TRIO: variants seen among roughly 807,000 people sequenced by gnomAD.
TRIO encodes the protein triple functional domain protein.
In TRIO, 58 loss-of-function variants were observed where a neutral mutation model predicts 351.9. The observed-to-expected ratio is 0.16, with a 90% confidence interval of 0.13 to 0.21. The LOEUF (loss-of-function observed/expected upper bound fraction) is 0.21. Ranked by LOEUF, TRIO falls within the 10% of genes least tolerant of loss-of-function variation. TRIO has a pLI of 1.00. For missense variants in TRIO, 3,201 were observed against 4,027.8 expected, an observed-to-expected ratio of 0.79 and a Z score of 5.56; for synonymous variants, 1,758 against 1,595.7, an observed-to-expected ratio of 1.10 and a Z score of -2.42.
At chr5:14,480,116 G>T (rs756646792) in intron 43 of TRIO, 105 bp downstream of exon 43, 6 of 991,170 alleles carry the variant, frequency 6.1e-6, no homozygotes, top group Non-Finnish European at 9.2e-6. Context: ...AATCATCTGT[G>T]TAACAGGTAT....
intron 1 of TRIO, 32 bp downstream of exon 1, chr5:14,143,914 G>A: frequency 2.8e-6 from 3 of 1,060,248 alleles, no homozygotes; most frequent in Non-Finnish European, 3.4e-6. Context: ...CCGCCCAGCG[G>A]CGCTGCCCCA....
chr5:14,505,647 C>T (rs929199932), intron 55 of TRIO, among the ~76,000 whole-genome samples: 3 of 152,098 alleles, frequency 2.0e-5, no homozygotes, highest in African/African-American at 7.2e-5. Flanking sequence ...TAAATGCCTC[C>T]CCATACCCTT....
In TRIO at chr5:14,270,833, A is replaced by G. The variant is rs780218609; in HGVS notation, c.166A>G (p.Lys56Glu). 1.9e-6 allele frequency: 3 copies of G among 1,613,878 alleles called. No homozygotes were observed. The Admixed American group carries it at 5.0e-5, about 27-fold the overall frequency. The part of the protein sequence containing the change: ...IAAFFRSGFR[K>E]NDEMKAMDVL... ...CTCCTTCTGTATTTCAGGGTTTCGAAAAAACGATGAAATGAAAGCTATGGA... is the reference window on the plus strand; with the variant it reads ...CTCCTTCTGTATTTCAGGGTTTCGAGAAAACGATGAAATGAAAGCTATGGA... Residue 56 changes from lysine to glutamate, a missense_variant, in exon 2 of 57, where the codon AAA (lysine) becomes GAA (glutamate). Coordinates refer to ENST00000344204, the MANE Select transcript of TRIO (RefSeq NM_007118.4).
intron 27 of TRIO, among the ~76,000 whole-genome samples, chr5:14,391,656 A>C (rs1209009011): frequency 6.6e-6 from 1 of 152,366 alleles, no homozygotes; most frequent in East Asian, 1.9e-4. Flanking sequence ...ATGTGCCAAT[A>C]CATTTTGATT....
Position 14,280,440 on chromosome 5 carries a change from A to G in TRIO, c.347+4A>G. 6.2e-7 allele frequency: 1 copy of G among 1,612,370 alleles called. No homozygotes were observed. Among genetic ancestry groups the G allele is most frequent in the Non-Finnish European group, 8.5e-7 (1 of 1,178,408 alleles). ...CCTATCTAGCCTGTATTCCCAGGTA[A>G]GTTCTGTGTGGCTTGTGCTTGTCAC... On this transcript the variant is annotated splice_donor_region_variant and intron_variant, in intron 3 of 56. Transcript: ENST00000344204.
At chr5:14,466,839 C>T (rs776039848) in intron 37 of TRIO, among the ~76,000 whole-genome samples, 7 of 152,198 alleles carry the variant, frequency 4.6e-5, no homozygotes, top group Admixed American at 6.5e-5. Flanking sequence ...GATCTTCTCA[C>T]GTCAGTACAT....
chr5:14,244,043 A>T (rs1050399830), intron 1 of TRIO, among the ~76,000 whole-genome samples: 1 of 152,212 alleles, frequency 6.6e-6, no homozygotes, highest in Non-Finnish European at 1.5e-5. Flanking sequence ...AGGGGAGGCA[A>T]TTTAGCATTT....
intron 34 of TRIO, among the ~76,000 whole-genome samples, chr5:14,432,558 A>G (rs1751251716): frequency 6.6e-6 from 1 of 152,232 alleles, no homozygotes; most frequent in Admixed American, 6.5e-5. Context: ...ATTGTGATCT[A>G]ATAATTCCAA....
intron 2 of TRIO, among the ~76,000 whole-genome samples, chr5:14,278,889 G>C (rs921630814): frequency 6.6e-6 from 1 of 152,188 alleles, no homozygotes; most frequent in Non-Finnish European, 1.5e-5. Flanking sequence ...AAGAAGTAAA[G>C]CCAGTAGTTC....
At chr5:14,422,188 A>AC (rs58939681) in intron 34 of TRIO, among the ~76,000 whole-genome samples, 5,298 of 151,756 alleles carry the variant, frequency 0.035, 303 homozygotes, top group African/African-American at 0.12. Flanking sequence ...GCTGGGTAAG[A>AC]CCCCCTCCAG....
At chr5:14,356,615 C>T (rs904700937) in intron 11 of TRIO, among the ~76,000 whole-genome samples, 6 of 152,158 alleles carry the variant, frequency 3.9e-5, no homozygotes, top group African/African-American at 1.4e-4. Flanking sequence ...CCATTCTACA[C>T]CTAGGTATTT....
At chr5:14,360,056 C>G (rs1441753853) in intron 13 of TRIO, among the ~76,000 whole-genome samples, 3 of 152,124 alleles carry the variant, frequency 2.0e-5, no homozygotes, top group Admixed American at 6.5e-5. Context: ...TCCTCCCTTT[C>G]TCTTTCCATC....
At chr5:14,378,237 G>T in intron 20 of TRIO, 110 bp downstream of exon 20, 1 of 769,112 alleles carries the variant, frequency 1.3e-6, no homozygotes, top group Non-Finnish European at 2.2e-6. Context: ...ACTTTCTAAT[G>T]ACAAACAGTA....
chr5:14,321,563 A>G (rs1457215446), intron 9 of TRIO, among the ~76,000 whole-genome samples: 1 of 152,242 alleles, frequency 6.6e-6, no homozygotes, highest in Non-Finnish European at 1.5e-5. Flanking sequence ...TTCACCTCAT[A>G]GAGTTCAAAG....
intron 1 of TRIO, among the ~76,000 whole-genome samples, chr5:14,207,318 TCACA>T (rs371912129): frequency 0.029 from 321 of 11,036 alleles, 52 homozygotes; most frequent in African/African-American, 0.066. Context: ...AGACTGTCTC[TCACA>T]CACACACACA....
chr5:14,413,238 G>T (rs865881220), intron 33 of TRIO, among the ~76,000 whole-genome samples: 15 of 152,202 alleles, frequency 9.9e-5, no homozygotes, highest in African/African-American at 3.6e-4. Flanking sequence ...TCAGTGCCTG[G>T]CCTGATGAAT....
intron 54 of TRIO, 77 bp downstream of exon 54, chr5:14,502,734 C>T: frequency 7.1e-7 from 1 of 1,404,034 alleles, no homozygotes. Context: ...AGGGATAAAG[C>T]TAAGCAGTGT....
intron 1 of TRIO, among the ~76,000 whole-genome samples, chr5:14,183,377 AT>A (rs1561174925): frequency 1.3e-5 from 2 of 152,112 alleles, no homozygotes; most frequent in Non-Finnish European, 1.5e-5. Context: ...TGCAGTAAAC[AT>A]ATGTATGTTT....
chr5:14,498,382 C>A (rs1214346459), intron 52 of TRIO, 131 bp downstream of exon 52: 6 of 1,502,634 alleles, frequency 4.0e-6, no homozygotes, highest in Non-Finnish European at 5.4e-6. Flanking sequence ...CCGTGAGAGC[C>A]CATTTCACGC....
Sources: allele counts gnomAD v4.1 joint callset (sites outside exome capture counted in the v4.1 genomes callset), GRCh38; gene constraint gnomAD v4.1.1; transcripts MANE v1.5; gene names NCBI Gene and HGNC (gene_info 2026-07-23, HGNC 2026-07-21).